The following MACROD2 variants were observed in gnomAD, a reference collection of about 807,000 sequenced individuals.
MACROD2 encodes ADP-ribose glycohydrolase MACROD2.
Under a neutral mutation model 70.4 loss-of-function variants are expected in MACROD2, and 36 were observed. That is an observed-to-expected ratio of 0.51 (90% confidence interval 0.39 to 0.68). MACROD2 has a LOEUF of 0.68. Ranked by LOEUF, MACROD2 falls within the 30% of genes least tolerant of loss-of-function variation. The pLI is 0.00. For missense variants in MACROD2, 496 were observed against 538.4 expected, an observed-to-expected ratio of 0.92 and a Z score of 0.78; for synonymous variants, 172 against 178.8, an observed-to-expected ratio of 0.96 and a Z score of 0.30.
intron 15 of MACROD2, among the ~76,000 whole-genome samples, chr20:16,022,789 A>G (rs751573010): frequency 1.3e-5 from 2 of 152,338 alleles, no homozygotes; most frequent in South Asian, 2.1e-4. Flanking sequence ...GTTGTTTCCT[A>G]TAACGATTTC....
At chr20:14,282,048 G>A (rs866751572) in intron 3 of MACROD2, among the ~76,000 whole-genome samples, 3 of 151,440 alleles carry the variant, frequency 2.0e-5, no homozygotes, top group Middle Eastern at 3.5e-3. Flanking sequence ...TTAATGAGTA[G>A]CATTGCTTTA....
At chr20:14,043,536 T>C (rs536224250) in intron 2 of MACROD2, among the ~76,000 whole-genome samples, 1 of 152,294 alleles carries the variant, frequency 6.6e-6, no homozygotes, top group Admixed American at 6.5e-5. Flanking sequence ...ATAGGTGTGA[T>C]TGAAGAACTG....
intron 4 of MACROD2, among the ~76,000 whole-genome samples, chr20:14,586,059 T>G (rs1981352904): frequency 1.3e-5 from 2 of 152,188 alleles, no homozygotes; most frequent in Admixed American, 6.5e-5. Flanking sequence ...TGTGCTTATT[T>G]TCTTGTTTTG....
chr20:15,880,085 T>G (rs1259795571), intron 9 of MACROD2, among the ~76,000 whole-genome samples: 1 of 152,060 alleles, frequency 6.6e-6, no homozygotes, highest in Admixed American at 6.6e-5. Flanking sequence ...GTCTGCTCCG[T>G]ACCCATTCAA....
chr20:14,373,390 T>C (rs1044452986), intron 3 of MACROD2, among the ~76,000 whole-genome samples: 1 of 152,192 alleles, frequency 6.6e-6, no homozygotes, highest in Non-Finnish European at 1.5e-5. Context: ...TTGTATTATA[T>C]ACAAAAATAA....
At chr20:15,074,395 G>A (rs1423874865) in intron 5 of MACROD2, among the ~76,000 whole-genome samples, 1 of 152,176 alleles carries the variant, frequency 6.6e-6, no homozygotes, top group Non-Finnish European at 1.5e-5. Flanking sequence ...GAAGACGACT[G>A]GAGGGTACCC....
intron 5 of MACROD2, among the ~76,000 whole-genome samples, chr20:14,750,454 ATTG>A (rs1260688980): frequency 6.6e-6 from 1 of 152,004 alleles, no homozygotes; most frequent in East Asian, 1.9e-4. Context: ...ATTACTATTT[ATTG>A]TTGTTATTAT....
At chr20:14,008,808 G>C (rs1311042379) in intron 2 of MACROD2, among the ~76,000 whole-genome samples, 2 of 151,728 alleles carry the variant, frequency 1.3e-5, no homozygotes, top group African/African-American at 4.9e-5. Flanking sequence ...CCAGAAATAA[G>C]TCTGCACACC....
At chr20:14,752,217 T>G (rs2123738197) in intron 5 of MACROD2, among the ~76,000 whole-genome samples, 1 of 152,052 alleles carries the variant, frequency 6.6e-6, no homozygotes, top group East Asian at 1.9e-4. Context: ...TATATTTAAT[T>G]ACCTATTTTA....
chr20:14,203,002 G>A (rs922502054), intron 3 of MACROD2, among the ~76,000 whole-genome samples: 8 of 151,848 alleles, frequency 5.3e-5, no homozygotes, highest in African/African-American at 1.7e-4. Context: ...AGCTGAGATC[G>A]TGTCATTGCA....
rs868185618 is a variant in MACROD2, at chr20:15,000,480, G to A, written c.419-229460G>A. Among the ~76,000 whole-genome samples, 10 of 143,948 alleles carry A rather than the reference G, an allele frequency of 6.9e-5. 1 individual carries two copies. Among genetic ancestry groups the A allele is most frequent in the Non-Finnish European group, 1.3e-4 (9 of 67,080 alleles). The allele number at this position is 143,948 out of a possible 152,430, so 94.4% of individuals were successfully genotyped here. On this transcript the variant is annotated intron_variant, in intron 5 of 17. Coordinates refer to ENST00000684519, the MANE Select transcript of MACROD2 (RefSeq NM_001351661.2). Reference sequence around the variant, plus strand: ...CTACTAAAAATACAAAAAATTAGCCGGGCGCGGTGGCGGGCGCCTGTAGTC... The same window carrying A: ...CTACTAAAAATACAAAAAATTAGCCAGGCGCGGTGGCGGGCGCCTGTAGTC...
intron 3 of MACROD2, among the ~76,000 whole-genome samples, chr20:14,194,581 A>G (rs2081414934): frequency 6.6e-6 from 1 of 152,198 alleles, no homozygotes; most frequent in Non-Finnish European, 1.5e-5. Flanking sequence ...AGGCACACAA[A>G]TAACACAGCT....
intron 3 of MACROD2, among the ~76,000 whole-genome samples, chr20:14,210,991 C>G (rs188861702): frequency 3.3e-5 from 5 of 152,274 alleles, no homozygotes; most frequent in Admixed American, 3.3e-4. Flanking sequence ...ATTGAGGTTT[C>G]AAGTCTACAA....
rs78174566 is a variant in MACROD2, at chr20:14,730,199, G to A, written c.418+45240G>A. On this transcript the variant is annotated intron_variant, in intron 5 of 17. Coordinates refer to ENST00000684519, the MANE Select transcript of MACROD2 (RefSeq NM_001351661.2). ...TTCCAGAGGAAAGCATAGAGAAAGC[G>A]GAGGACACTGGTTTTTGACAATAAA... is the stretch of plus-strand genomic sequence containing the variant. Among the ~76,000 whole-genome samples the A allele has an allele frequency of 1.8e-4, 27 of 152,210 alleles. No homozygotes were observed. The East Asian group carries it at 4.2e-3, about 24-fold the overall frequency.
chr20:15,072,024 C>T (rs1461845572), intron 5 of MACROD2, among the ~76,000 whole-genome samples: 1 of 152,092 alleles, frequency 6.6e-6, no homozygotes, highest in Non-Finnish European at 1.5e-5. Flanking sequence ...TAAGATTTCT[C>T]AAAATATATG....
At chr20:15,637,760 G>A (rs746971026) in intron 8 of MACROD2, among the ~76,000 whole-genome samples, 3 of 152,150 alleles carry the variant, frequency 2.0e-5, no homozygotes, top group Non-Finnish European at 2.9e-5. Flanking sequence ...TGATACCATG[G>A]CAACCCCTCT....
At chr20:14,429,877 G>A (rs1351546108) in intron 3 of MACROD2, among the ~76,000 whole-genome samples, 1 of 152,136 alleles carries the variant, frequency 6.6e-6, no homozygotes, top group Non-Finnish European at 1.5e-5. Flanking sequence ...GTTTACCAGA[G>A]GGTCCCTAAC....
chr20:14,142,274 G>T (rs974518767), intron 3 of MACROD2, among the ~76,000 whole-genome samples: 1 of 152,134 alleles, frequency 6.6e-6, no homozygotes, highest in Non-Finnish European at 1.5e-5. Context: ...GAGGTGACTC[G>T]TTTTTGTCAC....
At chr20:14,976,210 A>G (rs1338013243) in intron 5 of MACROD2, among the ~76,000 whole-genome samples, 1 of 149,698 alleles carries the variant, frequency 6.7e-6, no homozygotes, top group Non-Finnish European at 1.5e-5. Context: ...CTTTAAAACA[A>G]TGCTAATTTG....
Sources: gnomAD v4.1 joint callset for allele counts (sites outside exome capture counted in the v4.1 genomes callset) on GRCh38, gnomAD v4.1.1 for gene constraint, MANE v1.5 for transcripts, NCBI Gene and HGNC (gene_info 2026-07-23, HGNC 2026-07-21) for gene names.